The following MICAL3 variants were observed in gnomAD, a reference collection of about 807,000 sequenced individuals.
The protein encoded by MICAL3 is [F-actin]-monooxygenase MICAL3.
MICAL3 carries 62 observed loss-of-function variants against 207.4 expected under a neutral mutation model. That is an observed-to-expected ratio of 0.30 (90% CI 0.24 to 0.37). The LOEUF is 0.37. MICAL3 is among the 10% of genes least tolerant of loss of function. The pLI, the probability that MICAL3 is intolerant of heterozygous loss-of-function variation, is 1.00. For missense variants in MICAL3, 2,368 were observed against 2,635.6 expected, an observed-to-expected ratio of 0.90 and a Z score of 2.22; for synonymous variants, 1,077 against 1,069.3, an observed-to-expected ratio of 1.01 and a Z score of -0.14.
At chr22:17,907,574 C>T (rs1931833052) in intron 1 of MICAL3, among the ~76,000 whole-genome samples, 1 of 152,050 alleles carries the variant, frequency 6.6e-6, no homozygotes, top group South Asian at 2.1e-4. Context: ...ATTTGGGAGT[C>T]GCTGGCACAC....
At chr22:17,909,096 A>C (rs5992899) in intron 1 of MICAL3, among the ~76,000 whole-genome samples, 1 of 152,222 alleles carries the variant, frequency 6.6e-6, no homozygotes, top group Non-Finnish European at 1.5e-5. Flanking sequence ...TCTCCACCTT[A>C]TATTTTCTAT....
intron 1 of MICAL3, among the ~76,000 whole-genome samples, chr22:17,911,423 G>C (rs1343198749): frequency 6.6e-6 from 1 of 152,154 alleles, no homozygotes; most frequent in Non-Finnish European, 1.5e-5. Context: ...CCTAGCCAAT[G>C]CACCATGAAC....
rs367835453 is a variant in MICAL3, at chr22:17,971,241, G to A, written c.-75+53040C>T. On this transcript the variant is annotated intron_variant, in intron 1 of 31. Transcript: ENST00000441493. ...CCAGCACTTTGGGAGACTGAGGCAGGCAGATCACTTGAGGTCAGGAGTTTG... is the reference window on the plus strand; with the variant it reads ...CCAGCACTTTGGGAGACTGAGGCAGACAGATCACTTGAGGTCAGGAGTTTG... Among the ~76,000 whole-genome samples the A allele has an allele frequency of 6.6e-4, 100 of 152,220 alleles. 1 individual carries two copies. In the South Asian group the frequency reaches 0.019, roughly 28 times the overall value.
intron 1 of MICAL3, among the ~76,000 whole-genome samples, chr22:17,913,874 A>G (rs974522207): frequency 1.2e-4 from 18 of 152,168 alleles, no homozygotes; most frequent in African/African-American, 4.3e-4. Flanking sequence ...GGCACCCAAT[A>G]AACACAATCA....
Position 17,876,802 on chromosome 22 carries a change from T to TGGAGGTTAGGGAGGTTAGGGAGGTTAG in MICAL3, c.2242-4780_2242-4779insCTAACCTCCCTAACCTCCCTAACCTCC, listed in dbSNP as rs200084891. 7.3e-5 allele frequency: 4 copies of TGGAGGTTAGGGAGGTTAGGGAGGTTAG among 54,574 alleles called. No homozygotes were observed. In the South Asian group the frequency reaches 1.7e-3, roughly 23 times the overall value. The allele number at this position is 54,574 out of a possible 1,614,324, so 3.4% of individuals were successfully genotyped here. ...GAGGTTAGGGAGGTTAGGGAAGTTA[T>TGGAGGTTAGGGAGGTTAGGGAGGTTAG]GGAGGTTAGGGAGGTTAGGGAGGTT... is the stretch of plus-strand genomic sequence containing the variant. On this transcript the variant is annotated intron_variant, in intron 16 of 31. Transcript: ENST00000441493.
intron 1 of MICAL3, among the ~76,000 whole-genome samples, chr22:17,999,682 T>C (rs1261750675): frequency 6.6e-6 from 1 of 152,178 alleles, no homozygotes; most frequent in African/African-American, 2.4e-5. Context: ...GGAATTACAA[T>C]ATGCAGTCAA....
intron 13 of MICAL3, among the ~76,000 whole-genome samples, chr22:17,887,775 A>G (rs150933467): frequency 2.5e-3 from 385 of 152,350 alleles, no homozygotes; most frequent in Admixed American, 4.3e-3. Context: ...TTTTGTGACA[A>G]AAATTTCAGG....
At chr22:17,865,113 A>G in intron 18 of MICAL3, 127 bp from the exon 19 acceptor site, 1 of 730,176 alleles carries the variant, frequency 1.4e-6, no homozygotes, top group Non-Finnish European at 1.8e-6. Flanking sequence ...TTATTTATTT[A>G]TTTATTTATT....
chr22:17,835,135 C>T (rs1263473015), intron 20 of MICAL3, among the ~76,000 whole-genome samples: 1 of 152,222 alleles, frequency 6.6e-6, no homozygotes, highest in African/African-American at 2.4e-5. Flanking sequence ...GAGGCCAGCC[C>T]ACAGCCGTGT....
At chr22:17,948,912 C>CA (rs112234424) in intron 1 of MICAL3, among the ~76,000 whole-genome samples, 1,172 of 106,578 alleles carry the variant, frequency 0.011, 34 homozygotes, top group Non-Finnish European at 0.016. Flanking sequence ...GATGCTGCCT[C>CA]AAAAAAAAAA....
rs185562910 is a variant in MICAL3, at chr22:17,827,952, C to T, written c.3056-171G>A. On this transcript the variant is annotated intron_variant, in intron 21 of 31. Coordinates refer to ENST00000441493, the MANE Select transcript of MICAL3 (RefSeq NM_015241.3). ...ACATGTATACACACACACACACACA[C>T]AGACGCATGGACACACAGACACACA... Among the ~76,000 whole-genome samples the T allele has an allele frequency of 6.7e-4, 102 of 152,120 alleles. 1 individual carries two copies. In the East Asian group the frequency reaches 0.013, roughly 20 times the overall value.
At chr22:17,977,954 G>A (rs61156258) in intron 1 of MICAL3, among the ~76,000 whole-genome samples, 33,369 of 151,952 alleles carry the variant, frequency 0.22, 3,877 homozygotes, top group Middle Eastern at 0.29. Flanking sequence ...CCTGGGAGGC[G>A]GAGGTTGTGG....
chr22:17,850,584 G>A (rs1363204264), intron 19 of MICAL3, among the ~76,000 whole-genome samples: 1 of 151,584 alleles, frequency 6.6e-6, no homozygotes, highest in Non-Finnish European at 1.5e-5. Flanking sequence ...GCTAATTTTT[G>A]TATTTTTAGT....
intron 1 of MICAL3, among the ~76,000 whole-genome samples, chr22:17,959,010 G>GTTTTTTTTT (rs34107784): frequency 2.3e-5 from 2 of 85,866 alleles, no homozygotes; most frequent in Non-Finnish European, 2.1e-5. Context: ...CGGGCCTGGG[G>GTTTTTTTTT]TTTTTTTTTT....
chr22:17,792,824 G>A (rs1352865603), intron 29 of MICAL3, among the ~76,000 whole-genome samples: 3 of 152,224 alleles, frequency 2.0e-5, no homozygotes, highest in Non-Finnish European at 4.4e-5. Context: ...TGTGCCTGAG[G>A]GTCAGGGGAC....
intron 1 of MICAL3, among the ~76,000 whole-genome samples, chr22:17,954,809 C>T (rs148211635): frequency 2.0e-5 from 3 of 150,628 alleles, no homozygotes; most frequent in East Asian, 3.9e-4. Context: ...TGTAGTGGTG[C>T]GATCTCAGCT....
At chr22:17,810,835 TCCTC>T in intron 27 of MICAL3, 22 bp from the exon 28 acceptor site, 2 of 1,602,310 alleles carry the variant, frequency 1.2e-6, no homozygotes, top group Non-Finnish European at 1.7e-6. Context: ...AAGAGAAACT[TCCTC>T]AGTCAGGTGC....
At chr22:17,953,929 TCAAAAAAAAAAAAA>T (rs1934473559) in intron 1 of MICAL3, among the ~76,000 whole-genome samples, 1 of 27,500 alleles carries the variant, frequency 3.6e-5, no homozygotes, top group African/African-American at 1.4e-4. Flanking sequence ...AGACTCCATC[TCAAAAAAAAAAAAA>T]AAAAAAAAAA....
chr22:17,856,766 C>T (rs1248813046), intron 19 of MICAL3, among the ~76,000 whole-genome samples: 10 of 151,940 alleles, frequency 6.6e-5, no homozygotes, highest in Admixed American at 4.6e-4. Flanking sequence ...GGACTACAGG[C>T]GCCCGCCACC....
Sources: allele counts gnomAD v4.1 joint callset (sites outside exome capture counted in the v4.1 genomes callset), GRCh38; gene constraint gnomAD v4.1.1; transcripts MANE v1.5; gene names NCBI Gene and HGNC (gene_info 2026-07-23, HGNC 2026-07-21).